Variants in RXFP1 observed in about 807,000 individuals in gnomAD.
RXFP1 encodes relaxin family peptide receptor 1, also known as relaxin receptor 1.
A neutral mutation model predicts 89.8 loss-of-function variants in RXFP1; 73 were observed. The ratio of observed to expected loss-of-function variants is 0.81; its 90% CI spans 0.67 to 0.99. RXFP1 has a LOEUF of 0.99. Ranked by LOEUF, RXFP1 falls within the 50% of genes least tolerant of loss-of-function variation. The pLI, the probability that RXFP1 is intolerant of heterozygous loss-of-function variation, is 0.00. For missense variants in RXFP1, 793 were observed against 895.5 expected, an observed-to-expected ratio of 0.89 and a Z score of 1.46; for synonymous variants, 277 against 305.5, an observed-to-expected ratio of 0.91 and a Z score of 0.97.
chr4:158,612,291 G>A lies in RXFP1; in HGVS notation c.609G>A (p.Leu203=). ...VFEDLHRLEW[L]IIEDNHLSRI... Reference sequence around the variant, plus strand: ...TTAATTTTTTTCTTCTGGCTGTCAGGATAATTGAAGATAATCACCTCAGTC... The same window carrying A: ...TTAATTTTTTTCTTCTGGCTGTCAGAATAATTGAAGATAATCACCTCAGTC... The change falls in exon 8 of 18, where the codon CTG becomes CTA. Residue 203 remains leucine (L), a splice_region_variant and synonymous_variant. Coordinates refer to ENST00000307765, the MANE Select transcript of RXFP1 (RefSeq NM_021634.4). 2 of 1,611,148 alleles carry A rather than the reference G, an allele frequency of 1.2e-6. No homozygotes were observed. Among genetic ancestry groups the A allele is most frequent in the South Asian group, 2.2e-5 (2 of 90,356 alleles).
intron 6 of RXFP1, chr4:158,610,757 G>T (rs1763432062): frequency 1.6e-6 from 2 of 1,248,638 alleles, no homozygotes; most frequent in African/African-American, 3.1e-5. Context: ...AACACCCTGA[G>T]GTTGTAAGTC....
intron 1 of RXFP1, among the ~76,000 whole-genome samples, chr4:158,549,873 C>G (rs544155330): frequency 6.6e-6 from 1 of 152,308 alleles, no homozygotes; most frequent in Non-Finnish European, 1.5e-5. Flanking sequence ...GGGGGGGTGC[C>G]TCCCAGTTAG....
chr4:158,606,285 A>AT (rs914306525), intron 5 of RXFP1, among the ~76,000 whole-genome samples: 1 of 152,230 alleles, frequency 6.6e-6, no homozygotes, highest in Non-Finnish European at 1.5e-5. Context: ...GTGGCTTAGC[A>AT]TTTTTGCACA....
intron 8 of RXFP1, among the ~76,000 whole-genome samples, chr4:158,613,262 C>G (rs1003055963): frequency 6.6e-6 from 1 of 152,100 alleles, no homozygotes; most frequent in Non-Finnish European, 1.5e-5. Context: ...GTTGCTGAAG[C>G]CTGGGGTGGC....
intron 1 of RXFP1, among the ~76,000 whole-genome samples, chr4:158,561,618 CT>C (rs1229391114): frequency 7.7e-6 from 1 of 129,852 alleles, no homozygotes; most frequent in East Asian, 2.1e-4. Context: ...GTATTTTTTT[CT>C]TTTTTTCTTT....
chr4:158,533,060 A>C (rs1315822693), intron 1 of RXFP1, among the ~76,000 whole-genome samples: 1 of 152,190 alleles, frequency 6.6e-6, no homozygotes, highest in Non-Finnish European at 1.5e-5. Flanking sequence ...AGGGCATCAC[A>C]CATGCTTAAC....
Position 158,612,204 on chromosome 4 carries a change from A to G in RXFP1, c.608+3A>G, listed in dbSNP as rs773068826. 2 of 1,610,274 alleles carry G rather than the reference A, an allele frequency of 1.2e-6. No individual in the cohort carries two copies. The highest frequency in any genetic ancestry group is 2.2e-5 in the South Asian group (2 of 90,018). On this transcript the variant is annotated splice_donor_region_variant and intron_variant, in intron 7 of 17. Transcript: ENST00000307765. ...GATCTTCACAGACTAGAATGGCTGT[A>G]TGTTTAATTTATGTGGCATTTTATT...
intron 9 of RXFP1, among the ~76,000 whole-genome samples, chr4:158,622,304 C>G (rs1408339158): frequency 1.1e-4 from 16 of 151,530 alleles, no homozygotes; most frequent in Non-Finnish European, 1.5e-5. Context: ...GAGCAAGACT[C>G]CATCTCAAAT....
intron 8 of RXFP1, among the ~76,000 whole-genome samples, chr4:158,613,421 C>G (rs1006095630): frequency 6.6e-6 from 1 of 152,228 alleles, no homozygotes; most frequent in Non-Finnish European, 1.5e-5. Flanking sequence ...TCAATACTCT[C>G]AAATCCTCCC....
At chr4:158,644,716 T>A (rs1241965201) in intron 14 of RXFP1, among the ~76,000 whole-genome samples, 193 bp from the exon 15 acceptor site, 1 of 152,246 alleles carries the variant, frequency 6.6e-6, no homozygotes, top group Non-Finnish European at 1.5e-5. Flanking sequence ...CACCCACACA[T>A]TCTTTAACAA....
intron 2 of RXFP1, among the ~76,000 whole-genome samples, chr4:158,590,390 C>G (rs911706111): frequency 6.6e-6 from 1 of 152,172 alleles, no homozygotes; most frequent in Non-Finnish European, 1.5e-5. Flanking sequence ...AAAATCCTGA[C>G]CTCAAGTGAT....
chr4:158,537,345 A>G (rs1341378223), intron 1 of RXFP1, among the ~76,000 whole-genome samples: 2 of 151,610 alleles, frequency 1.3e-5, no homozygotes, highest in Non-Finnish European at 2.9e-5. Flanking sequence ...AAACAACTAA[A>G]TTTTCTTAAT....
At chr4:158,643,937 C>T (rs1052689496) in intron 14 of RXFP1, among the ~76,000 whole-genome samples, 1 of 151,772 alleles carries the variant, frequency 6.6e-6, no homozygotes, top group African/African-American at 2.4e-5. Context: ...ATCCATCCAA[C>T]GTTGGAGTAA....
intron 3 of RXFP1, 141 bp downstream of exon 3, chr4:158,593,640 G>C (rs944401850): frequency 5.5e-5 from 29 of 527,320 alleles, no homozygotes; most frequent in Non-Finnish European, 8.6e-5. Context: ...ATTCGTAAGA[G>C]GTCAATTATA....
intron 1 of RXFP1, among the ~76,000 whole-genome samples, chr4:158,552,153 A>T (rs1750293587): frequency 6.6e-6 from 1 of 152,234 alleles, no homozygotes; most frequent in Non-Finnish European, 1.5e-5. Flanking sequence ...AAATGCTGTT[A>T]AGAAGAAATA....
intron 1 of RXFP1, among the ~76,000 whole-genome samples, chr4:158,564,294 A>T: frequency 6.6e-6 from 1 of 152,140 alleles, no homozygotes; most frequent in East Asian, 1.9e-4. Context: ...GGGGTGGGGG[A>T]CATTTTTAAA....
intron 1 of RXFP1, among the ~76,000 whole-genome samples, chr4:158,556,030 T>G (rs1751206512): frequency 6.6e-6 from 1 of 152,100 alleles, no homozygotes; most frequent in African/African-American, 2.4e-5. Context: ...GCAAAGATTT[T>G]TTAAATAACA....
intron 6 of RXFP1, chr4:158,610,764 A>G: frequency 8.1e-7 from 1 of 1,231,176 alleles, no homozygotes; most frequent in Non-Finnish European, 1.1e-6. Context: ...TGAGGTTGTA[A>G]GTCATTTCTT....
At chr4:158,550,682 G>A (rs554316735) in intron 1 of RXFP1, among the ~76,000 whole-genome samples, 1 of 152,278 alleles carries the variant, frequency 6.6e-6, no homozygotes, top group South Asian at 2.1e-4. Context: ...AAAAAGGGAG[G>A]TAGAAACATC....
Sources: allele counts gnomAD v4.1 joint callset (sites outside exome capture counted in the v4.1 genomes callset), GRCh38; gene constraint gnomAD v4.1.1; transcripts MANE v1.5; gene names NCBI Gene and HGNC (gene_info 2026-07-23, HGNC 2026-07-21).